GPM6B: variants seen among roughly 807,000 people sequenced by gnomAD.
The protein encoded by GPM6B is glycoprotein M6B, also known as neuronal membrane glycoprotein M6-b.
A neutral mutation model predicts 27.2 loss-of-function variants in GPM6B; 4 were observed. That is an observed-to-expected ratio of 0.15 (90% CI 0.07 to 0.34). The LOEUF is 0.34. Among genes scored for constraint, GPM6B ranks in the 10% least tolerant of loss-of-function variants. The pLI is 1.00. For synonymous variants in GPM6B, 124 were observed against 103.1 expected (o/e 1.20, Z -1.23); for missense variants, 183 against 261.9 (o/e 0.70, Z 2.08).
intron 1 of GPM6B, among the ~76,000 whole-genome samples, chrX:13,873,096 C>T (rs1234840197): frequency 4.5e-5 from 5 of 110,107 alleles, no homozygotes; most frequent in South Asian, 3.9e-4. Context: ...GAAATGGGGT[C>T]GGGAAATTTG....
At chrX:13,845,732 C>T (rs1044787291) in intron 1 of GPM6B, among the ~76,000 whole-genome samples, 5 of 111,758 alleles carry the variant, frequency 4.5e-5, no homozygotes, top group South Asian at 3.8e-4. Context: ...CAATCTTTAG[C>T]GTTCCACCAC....
rs140890292 is a variant in GPM6B, at chrX:13,921,466, C to T, written c.-198+16861G>A. ...TAGCCAGAGGTAGAGGAAAAAACAG[C>T]TTTATTGAAGAGGAGATGTTACAGC... On this transcript the variant is annotated intron_variant, in intron 1 of 6. Transcript: ENST00000398361. Among the ~76,000 whole-genome samples the T allele has an allele frequency of 9.8e-5, 11 of 111,751 alleles. No individual in the cohort carries two copies. The East Asian group carries it at 3.1e-3, about 31-fold the overall frequency.
upstream of GPM6B, among the ~76,000 whole-genome samples, chrX:13,821,591 C>CT (rs917178361): frequency 4.5e-5 from 5 of 110,992 alleles, no homozygotes; most frequent in South Asian, 3.9e-4. Flanking sequence ...AATCAAATCA[C>CT]TTTTTTTTTC....
chrX:13,887,774 G>C (rs1413008364), intron 1 of GPM6B, among the ~76,000 whole-genome samples: 3 of 111,729 alleles, frequency 2.7e-5, no homozygotes, highest in Non-Finnish European at 5.6e-5. Context: ...TCTCTCACTA[G>C]GCTGCACCCT....
intron 1 of GPM6B, among the ~76,000 whole-genome samples, chrX:13,898,424 C>T (rs2050252246): frequency 8.9e-6 from 1 of 112,314 alleles, no homozygotes; most frequent in South Asian, 3.7e-4. Flanking sequence ...TCTTAGGCTA[C>T]TGCTGCTCAA....
At chrX:13,805,153 T>A (rs2048999544) in intron 2 of GPM6B, among the ~76,000 whole-genome samples, 1 of 112,217 alleles carries the variant, frequency 8.9e-6, no homozygotes, top group Non-Finnish European at 1.9e-5. Context: ...ATTCTTTAAA[T>A]CAAATTCAGT....
chrX:13,849,853 G>A (rs976033920), intron 1 of GPM6B, among the ~76,000 whole-genome samples: 16 of 110,385 alleles, frequency 1.4e-4, no homozygotes, highest in African/African-American at 5.3e-4. Flanking sequence ...GAGGTCAGGA[G>A]TTCGATACCA....
intron 1 of GPM6B, among the ~76,000 whole-genome samples, chrX:13,825,813 G>A (rs2049365801): frequency 8.9e-6 from 1 of 111,994 alleles, no homozygotes; most frequent in Non-Finnish European, 1.9e-5. Context: ...GTCTTATGCT[G>A]AAAAGGCAGT....
At chrX:13,899,284 G>A (rs186310973) in intron 1 of GPM6B, among the ~76,000 whole-genome samples, 15 of 107,141 alleles carry the variant, frequency 1.4e-4, no homozygotes, top group African/African-American at 5.1e-4. Context: ...GGTGGTGGGC[G>A]CCTGTAATCC....
intron 1 of GPM6B, among the ~76,000 whole-genome samples, chrX:13,881,212 G>A (rs1174589973): frequency 1.8e-5 from 2 of 112,361 alleles, no homozygotes; most frequent in African/African-American, 6.5e-5. Context: ...CATAGAGAGT[G>A]TGAAAGTGAA....
At chrX:13,856,215 A>G (rs1241923095) in intron 1 of GPM6B, among the ~76,000 whole-genome samples, 2 of 111,774 alleles carry the variant, frequency 1.8e-5, no homozygotes, top group African/African-American at 6.5e-5. Context: ...TGTTGGCTCT[A>G]CTCCAAGTCT....
chrX:13,851,163 C>CAA (rs10652819), intron 1 of GPM6B, among the ~76,000 whole-genome samples: 21,373 of 59,870 alleles, frequency 0.36, 3,201 homozygotes, highest in Non-Finnish European at 0.4. Context: ...ACTCCATCTC[C>CAA]AAAAAAAAAA....
chrX:13,773,978 T>TTTTTC (rs1555909942), intron 7 of GPM6B: 1 of 725,394 alleles, frequency 1.4e-6, no homozygotes, highest in African/African-American at 2.5e-5. Context: ...TTTTTTTTTT[T>TTTTTC]TCCAGAGAAC....
At chrX:13,878,903 C>T (rs1413879847) in intron 1 of GPM6B, among the ~76,000 whole-genome samples, 1 of 111,861 alleles carries the variant, frequency 8.9e-6, no homozygotes, top group Non-Finnish European at 1.9e-5. Flanking sequence ...CCAAAAAATG[C>T]ATGTAGCCTC....
chrX:13,848,873 C>T (rs1410944781), intron 1 of GPM6B, among the ~76,000 whole-genome samples: 2 of 111,784 alleles, frequency 1.8e-5, no homozygotes, highest in African/African-American at 6.5e-5. Flanking sequence ...CATTTTCTGG[C>T]AATAAAAACA....
upstream of GPM6B, chrX:13,817,226 A>G (rs1219458548): frequency 1.5e-5 from 7 of 456,809 alleles, no homozygotes; most frequent in East Asian, 1.0e-3. Flanking sequence ...AGTTGGGGGT[A>G]GGGGGGTGGG....
At chrX:13,840,729 C>G (rs2049562901) in intron 1 of GPM6B, among the ~76,000 whole-genome samples, 1 of 111,609 alleles carries the variant, frequency 9.0e-6, no homozygotes, top group Admixed American at 9.5e-5. Context: ...CATGATTCCT[C>G]CCGGCTCCAA....
chrX:13,901,648 T>C (rs753723148), intron 1 of GPM6B, among the ~76,000 whole-genome samples: 1 of 111,364 alleles, frequency 9.0e-6, no homozygotes, highest in African/African-American at 3.3e-5. Flanking sequence ...TTCCTTGTAC[T>C]GGGGACTCTG....
At chrX:13,776,715 A>C (rs1473679476) in intron 6 of GPM6B, among the ~76,000 whole-genome samples, 1 of 112,360 alleles carries the variant, frequency 8.9e-6, no homozygotes, top group African/African-American at 3.2e-5. Flanking sequence ...GATTTTCTTA[A>C]ATATACAAGC....
Sources: gnomAD v4.1 joint callset for allele counts (sites outside exome capture counted in the v4.1 genomes callset) on GRCh38, gnomAD v4.1.1 for gene constraint, MANE v1.5 for transcripts, NCBI Gene and HGNC (gene_info 2026-07-23, HGNC 2026-07-21) for gene names.